Variants in CTNNA2 observed in about 807,000 individuals in gnomAD.
CTNNA2 encodes the protein catenin alpha-2.
In CTNNA2, 42 loss-of-function variants were observed where a neutral mutation model predicts 101.0. The observed-to-expected ratio is 0.42, with a 90% CI of 0.32 to 0.54. The LOEUF (loss-of-function observed/expected upper bound fraction) is 0.54. Ranked by LOEUF, CTNNA2 falls within the 20% of genes least tolerant of loss-of-function variation. The probability of loss-of-function intolerance (pLI) is 0.14; values close to 1 mark genes in which losing one functional copy is unlikely to be tolerated. For synonymous variants in CTNNA2, 450 were observed against 456.4 expected (o/e 0.99, Z 0.18); for missense variants, 871 against 1,223.1 (o/e 0.71, Z 4.29).
intron 3 of CTNNA2, among the ~76,000 whole-genome samples, chr2:79,326,466 T>A (rs1349516): frequency 0.11 from 16,046 of 151,420 alleles, 1,013 homozygotes; most frequent in Middle Eastern, 0.21. Context: ...ACAACCTAGG[T>A]TTTTTTTAAA....
chr2:79,940,147 T>C (rs572781827), intron 7 of CTNNA2, among the ~76,000 whole-genome samples: 2 of 152,234 alleles, frequency 1.3e-5, no homozygotes, highest in Admixed American at 1.3e-4. Context: ...TTAAGAAAAG[T>C]CAATATAGAA....
At chr2:79,740,157 C>T (rs1250877388) in intron 2 of CTNNA2, among the ~76,000 whole-genome samples, 1 of 152,020 alleles carries the variant, frequency 6.6e-6, no homozygotes. Flanking sequence ...TGATTCTCTC[C>T]CTCCTCCCAA....
At chr2:80,207,418 C>T (rs912267796) in intron 7 of CTNNA2, among the ~76,000 whole-genome samples, 1 of 152,130 alleles carries the variant, frequency 6.6e-6, no homozygotes, top group African/African-American at 2.4e-5. Context: ...AAAGATCCAA[C>T]TAAAACCGCA....
chr2:80,392,724 T>G (rs754122361), intron 7 of CTNNA2, among the ~76,000 whole-genome samples: 1 of 152,248 alleles, frequency 6.6e-6, no homozygotes, highest in Non-Finnish European at 1.5e-5. Flanking sequence ...AAGCATCTCT[T>G]TTGAATTTGA....
intron 2 of CTNNA2, among the ~76,000 whole-genome samples, chr2:79,210,088 TTGTGTGTG>T (rs59836500): frequency 6.9e-6 from 1 of 144,788 alleles, no homozygotes; most frequent in South Asian, 2.2e-4. Flanking sequence ...TCAAGCTATA[TTGTGTGTG>T]TGTGTGTGTG....
chr2:79,657,475 T>C (rs757552307), intron 2 of CTNNA2, among the ~76,000 whole-genome samples: 3 of 151,942 alleles, frequency 2.0e-5, no homozygotes, highest in Admixed American at 6.6e-5. Flanking sequence ...AACAGATGGA[T>C]GTTTAGTTGA....
Position 80,302,172 on chromosome 2 carries a change from C to A in CTNNA2, c.1057-91039C>A. The A allele has an allele frequency of 1.3e-6, 2 of 1,540,954 alleles. No individual in the cohort carries two copies. The highest frequency in any genetic ancestry group is 1.8e-6 in the Non-Finnish European group (2 of 1,142,056). On this transcript the variant is annotated intron_variant, in intron 7 of 18. Coordinates refer to ENST00000402739, the MANE Select transcript of CTNNA2 (RefSeq NM_001282597.3). The surrounding 1 kb of genome is among the most constrained non-coding windows in gnomAD (Gnocchi z 6.4). ...GCATATCAGAGCACAGACAAGGAGA[C>A]CCCAGCCTGGTGCCCGCCGGCCCGT...
At chr2:80,307,941 A>G (rs1677183717) in intron 7 of CTNNA2, among the ~76,000 whole-genome samples, 1 of 152,234 alleles carries the variant, frequency 6.6e-6, no homozygotes, top group African/African-American at 2.4e-5. Flanking sequence ...TATGAATCTG[A>G]TGGCCAAACA....
rs370225692 is a variant in CTNNA2, at chr2:80,124,521, C to G, written c.1056+214724C>G. Among the ~76,000 whole-genome samples, 11 of 152,210 alleles carry G rather than the reference C, an allele frequency of 7.2e-5. No homozygotes were observed. In the South Asian group the frequency reaches 1.9e-3, roughly 26 times the overall value. On this transcript the variant is annotated intron_variant, in intron 7 of 18. Transcript: ENST00000402739. ...CTTCATATTCTTTATAAAATATGCTCTCTATTAGAATATATCCTCATTTTT... is the reference window on the plus strand; with the variant it reads ...CTTCATATTCTTTATAAAATATGCTGTCTATTAGAATATATCCTCATTTTT...
chr2:80,289,214 T>C (rs1167056974), intron 7 of CTNNA2: 1 of 152,012 alleles, frequency 6.6e-6, no homozygotes, highest in African/African-American at 2.4e-5. Context: ...AACCATAATA[T>C]TAAAATAAAT....
chr2:80,518,618 T>C (rs1050165087), intron 9 of CTNNA2, among the ~76,000 whole-genome samples: 1 of 152,184 alleles, frequency 6.6e-6, no homozygotes, highest in African/African-American at 2.4e-5. Context: ...GTGATCACTA[T>C]TCATCTCATC....
Position 80,302,182 on chromosome 2 carries a change from G to C in CTNNA2, c.1057-91029G>C. ...GCACAGACAAGGAGACCCCAGCCTG[G>C]TGCCCGCCGGCCCGTCCCGGCTGCC... On this transcript the variant is annotated intron_variant, in intron 7 of 18. Transcript: ENST00000402739. This position sits in a 1 kb window ranked among gnomAD's most constrained non-coding sequence, Gnocchi z 6.4. The C allele has an allele frequency of 1.3e-6, 2 of 1,554,098 alleles. No homozygotes were observed. Among genetic ancestry groups the C allele is most frequent in the Non-Finnish European group, 1.7e-6 (2 of 1,149,962 alleles).
intron 7 of CTNNA2, among the ~76,000 whole-genome samples, chr2:80,157,595 A>AT (rs961936451): frequency 4.6e-5 from 7 of 151,054 alleles, no homozygotes; most frequent in East Asian, 2.0e-4. Context: ...AATGGTTTCT[A>AT]TTTTTTTTTC....
intron 6 of CTNNA2, among the ~76,000 whole-genome samples, chr2:79,903,624 G>A (rs960268385): frequency 6.6e-6 from 1 of 152,112 alleles, no homozygotes; most frequent in Non-Finnish European, 1.5e-5. Flanking sequence ...TGCCTGTGAA[G>A]GATAAAATAG....
intron 7 of CTNNA2, among the ~76,000 whole-genome samples, chr2:80,291,244 G>T (rs187684300): frequency 6.6e-6 from 1 of 152,216 alleles, no homozygotes; most frequent in Non-Finnish European, 1.5e-5. Context: ...GATAGCAAAG[G>T]AGAATGCATA....
At chr2:80,355,993 T>G (rs1448566444) in intron 7 of CTNNA2, among the ~76,000 whole-genome samples, 1 of 152,120 alleles carries the variant, frequency 6.6e-6, no homozygotes, top group East Asian at 1.9e-4. Flanking sequence ...TTCAAAATAA[T>G]CACTGTCCAC....
intron 3 of CTNNA2, among the ~76,000 whole-genome samples, chr2:79,318,885 A>G (rs1448601071): frequency 6.6e-6 from 1 of 152,224 alleles, no homozygotes. Flanking sequence ...ACTTCTTCAT[A>G]TTCATCTGAA....
intron 2 of CTNNA2, among the ~76,000 whole-genome samples, chr2:79,257,021 C>T (rs1674855097): frequency 6.6e-6 from 1 of 152,106 alleles, no homozygotes; most frequent in South Asian, 2.1e-4. Flanking sequence ...GGTTCTGGAT[C>T]TATTTCGAAG....
chr2:80,202,113 A>T (rs1353979116), intron 7 of CTNNA2, among the ~76,000 whole-genome samples: 1 of 152,146 alleles, frequency 6.6e-6, no homozygotes, highest in Admixed American at 6.5e-5. Context: ...TATCAGCAGA[A>T]TATGCATATG....
Sources: allele counts gnomAD v4.1 joint callset (sites outside exome capture counted in the v4.1 genomes callset), GRCh38; gene constraint gnomAD v4.1.1; non-coding constraint Gnocchi (gnomAD v3.1); transcripts MANE v1.5; gene names NCBI Gene and HGNC (gene_info 2026-07-23, HGNC 2026-07-21).